The following PAFAH2 variants were observed in gnomAD, a reference collection of about 807,000 sequenced individuals.
PAFAH2 encodes platelet-activating factor acetylhydrolase 2, cytoplasmic.
In PAFAH2, 42 loss-of-function variants were observed where a neutral mutation model predicts 49.0. That is an observed-to-expected ratio of 0.86 (90% CI 0.67 to 1.11). PAFAH2 has a LOEUF of 1.11. PAFAH2 is among the 50% of genes least tolerant of loss of function. The pLI is 0.00. For missense variants in PAFAH2, 503 were observed against 501.8 expected (o/e 1.00, Z -0.02); for synonymous variants, 184 against 181.3 (o/e 1.01, Z -0.12).
chr1:25,965,897 C>T (rs61776969), intron 10 of PAFAH2, among the ~76,000 whole-genome samples: 1 of 148,040 alleles, frequency 6.8e-6, no homozygotes, highest in East Asian at 2.0e-4. Flanking sequence ...ACACATAATC[C>T]CATTAAAAAG....
intron 7 of PAFAH2, among the ~76,000 whole-genome samples, chr1:25,980,725 A>T (rs1263145712): frequency 6.6e-6 from 1 of 151,418 alleles, no homozygotes. Flanking sequence ...TATGGCTATT[A>T]AAAATCATGC....
At chr1:25,987,030 G>T (rs2049791409) in intron 4 of PAFAH2, among the ~76,000 whole-genome samples, 1 of 149,358 alleles carries the variant, frequency 6.7e-6, no homozygotes, top group South Asian at 2.1e-4. Flanking sequence ...GATTGCCTGA[G>T]GTCAAGAGTT....
At chr1:25,993,372 T>C (rs140130481) in intron 1 of PAFAH2, among the ~76,000 whole-genome samples, 132 of 152,166 alleles carry the variant, frequency 8.7e-4, no homozygotes, top group African/African-American at 3.0e-3. Context: ...CCCTCCACAA[T>C]CGTTTTCCCC....
chr1:25,984,439 C>T (rs2124354873), intron 5 of PAFAH2, 21 bp downstream of exon 5: 1 of 1,602,546 alleles, frequency 6.2e-7, no homozygotes, highest in Non-Finnish European at 8.5e-7. Flanking sequence ...GGCACCCAAT[C>T]CATGGCGGCT....
chr1:25,982,384 A>G lies in PAFAH2; in HGVS notation c.646T>C (p.Leu216=). Residue 216 remains leucine, a synonymous_variant, in exon 7 of 11, where the codon TTG becomes CTG. Coordinates refer to ENST00000374282, the MANE Select transcript of PAFAH2 (RefSeq NM_000437.4). The stretch of plus-strand genomic sequence containing the variant: ...CATACCTTCAAAGTCATCAGATCCA[A>G]GCCACCAGGCAAGATGTTGAAGACA... ...QTVFNILPGG[L]DLMTLKGNID... 6.2e-7 allele frequency: 1 copy of G among 1,614,012 alleles called. No homozygotes were observed. Among genetic ancestry groups the G allele is most frequent in the South Asian group, 1.1e-5 (1 of 91,084 alleles).
intron 10 of PAFAH2, among the ~76,000 whole-genome samples, chr1:25,970,409 T>C (rs950745107): frequency 2.0e-5 from 3 of 151,866 alleles, no homozygotes; most frequent in African/African-American, 4.8e-5. Context: ...ACCCAGGAGG[T>C]TGAGGTTGCA....
At position 25,961,386 on chromosome 1, in the gene PAFAH2, A is replaced by G. The variant is rs1016399098; in HGVS notation, c.*603T>C. ...CTGTCTGCCACTCTGTGGGCTCACAAGTATAACTTACTACTGTAAGTATAA... is the reference window on the plus strand; with the variant it reads ...CTGTCTGCCACTCTGTGGGCTCACAGGTATAACTTACTACTGTAAGTATAA... On this transcript the variant is annotated 3_prime_UTR_variant, in exon 11 of 11. Coordinates refer to ENST00000374282, the MANE Select transcript of PAFAH2 (RefSeq NM_000437.4). 1 of 152,214 alleles carries G rather than the reference A, an allele frequency of 6.6e-6. No individual in the cohort carries two copies. Among genetic ancestry groups the G allele is most frequent in the African/African-American group, 2.4e-5 (1 of 41,466 alleles). The allele number at this position is 152,214 out of a possible 1,614,324, so 9.4% of individuals were successfully genotyped here.
Position 25,960,194 on chromosome 1 carries a change from C to T in PAFAH2, c.*1795G>A, listed in dbSNP as rs2049319080. 6.6e-6 allele frequency: 1 copy of T among 152,268 alleles called. No individual in the cohort carries two copies. Among genetic ancestry groups the T allele is most frequent in the Non-Finnish European group, 1.5e-5 (1 of 68,044 alleles). The allele number at this position is 152,268 out of a possible 1,614,324, so 9.4% of individuals were successfully genotyped here. A position where few individuals can be genotyped will look rare whatever the true frequency, so the allele number is the denominator to read the frequency against. On this transcript the variant is annotated 3_prime_UTR_variant, in exon 11 of 11. Transcript: ENST00000374282. Reference sequence around the variant, plus strand: ...TGTCTCATGGGAATTCAAAGATCCTCCCTCACAGCCTCAACGATCTGCTGT... The same window carrying T: ...TGTCTCATGGGAATTCAAAGATCCTTCCTCACAGCCTCAACGATCTGCTGT...
At chr1:25,970,014 C>T (rs1489786788) in intron 10 of PAFAH2, among the ~76,000 whole-genome samples, 2 of 152,036 alleles carry the variant, frequency 1.3e-5, no homozygotes, top group Non-Finnish European at 2.9e-5. Flanking sequence ...TAAGATGAAA[C>T]GAACAGGCAG....
At chr1:25,963,654 C>G (rs570363074) in intron 10 of PAFAH2, among the ~76,000 whole-genome samples, 1 of 152,208 alleles carries the variant, frequency 6.6e-6, no homozygotes, top group African/African-American at 2.4e-5. Flanking sequence ...CAGGCATGCA[C>G]CACCACACCC....
intron 6 of PAFAH2, 103 bp downstream of exon 6, chr1:25,983,843 T>C: frequency 1.5e-6 from 2 of 1,296,614 alleles, no homozygotes; most frequent in Non-Finnish European, 2.2e-6. Flanking sequence ...AGACCCACTA[T>C]GACTGACATT....
intron 2 of PAFAH2, among the ~76,000 whole-genome samples, chr1:25,990,168 G>A (rs1557530720): frequency 6.6e-6 from 1 of 152,134 alleles, no homozygotes; most frequent in Non-Finnish European, 1.5e-5. Context: ...TTGGGAAGCC[G>A]AGGTAGGAGA....
Position 25,989,444 on chromosome 1 carries a change from T to C in PAFAH2, c.244+4A>G, listed in dbSNP as rs886128080. The C allele has an allele frequency of 1.3e-5, 20 of 1,591,650 alleles. No individual in the cohort carries two copies. The highest frequency in any genetic ancestry group is 1.5e-5 in the Non-Finnish European group (18 of 1,168,890). On this transcript the variant is annotated splice_donor_region_variant and intron_variant, in intron 3 of 10. Transcript: ENST00000374282. ...AAGCATGCAGAGGTCAGGCCAGCCC[T>C]TACCCACCGCCAGGTTGAACAGCAA...
intron 7 of PAFAH2, among the ~76,000 whole-genome samples, chr1:25,980,408 C>T (rs558451419): frequency 5.3e-5 from 8 of 151,550 alleles, no homozygotes; most frequent in African/African-American, 1.9e-4. Flanking sequence ...CTGCAACCTC[C>T]GCCTCTTGGG....
At chr1:25,972,829 C>A in intron 9 of PAFAH2, 117 bp from the exon 10 acceptor site, 1 of 1,022,664 alleles carries the variant, frequency 9.8e-7, no homozygotes, top group Non-Finnish European at 1.5e-6. Flanking sequence ...ATTTTCACAG[C>A]AACCTTGTAA....
At chr1:25,971,587 G>A (rs1173165155) in intron 10 of PAFAH2, among the ~76,000 whole-genome samples, 1 of 152,146 alleles carries the variant, frequency 6.6e-6, no homozygotes, top group Non-Finnish European at 1.5e-5. Context: ...CAGAGAGACT[G>A]AACCCATGAG....
chr1:25,972,432 T>C, intron 10 of PAFAH2, 126 bp downstream of exon 10: 1 of 1,051,564 alleles, frequency 9.5e-7, no homozygotes, highest in Non-Finnish European at 1.4e-6. Flanking sequence ...AGTCTCTCCT[T>C]CACTCAGGTT....
chr1:25,986,515 A>G (rs2049783359), intron 4 of PAFAH2, among the ~76,000 whole-genome samples: 1 of 152,154 alleles, frequency 6.6e-6, no homozygotes, highest in African/African-American at 2.4e-5. Flanking sequence ...GAACTGAATT[A>G]GGTTCAAAGA....
rs146677131 is a variant in PAFAH2 at position 25,982,460 on chromosome 1, G to A, written c.570C>T (p.Ser190=). The part of the protein sequence containing the change: ...VRNPQVHQRV[S]ECLRVLKILQ... ...GGATCTTCAACACCCGTAAACACTC[G>A]CTTACCCGCTGATGCACCTGCAACA... Residue 190 remains serine, a synonymous_variant, in exon 7 of 11, where the codon AGC becomes AGT. Coordinates refer to ENST00000374282, the MANE Select transcript of PAFAH2 (RefSeq NM_000437.4). The A allele has an allele frequency of 1.7e-5, 28 of 1,613,524 alleles. No individual in the cohort carries two copies. The highest frequency in any genetic ancestry group is 1.5e-4 in the South Asian group (14 of 91,080).
Sources: allele counts gnomAD v4.1 joint callset (sites outside exome capture counted in the v4.1 genomes callset), GRCh38; gene constraint gnomAD v4.1.1; transcripts MANE v1.5; gene names NCBI Gene and HGNC (gene_info 2026-07-23, HGNC 2026-07-21).